Variants in CEP112 observed in about 807,000 individuals in gnomAD.
CEP112 encodes the protein centrosomal protein of 112 kDa.
Under a neutral mutation model 153.0 loss-of-function variants are expected in CEP112, and 127 were observed. That is an observed-to-expected ratio of 0.83 (90% CI 0.72 to 0.96). The LOEUF (loss-of-function observed/expected upper bound fraction) is 0.96. Among genes scored for constraint, CEP112 ranks in the 40% least tolerant of loss-of-function variants. CEP112 has a pLI of 0.00. For missense variants in CEP112, 1,089 were observed against 1,101.2 expected (o/e 0.99, Z 0.16); for synonymous variants, 358 against 374.4 (o/e 0.96, Z 0.51).
Position 66,030,041 on chromosome 17 carries a change from G to A in CEP112, c.1219-18C>T. The A allele has an allele frequency of 3.7e-6, 6 of 1,605,544 alleles. No individual in the cohort carries two copies. The highest frequency in any genetic ancestry group is 1.1e-5 in the South Asian group (1 of 89,394). On this transcript the variant is annotated intron_variant, in intron 12 of 26. Transcript: ENST00000535342. Reference sequence around the variant, plus strand: ...ATGTGGTTCTAAAAGAACAGGTCATGGTTAAGAAAGTCTCTGACTCAGTTG... The same window carrying A: ...ATGTGGTTCTAAAAGAACAGGTCATAGTTAAGAAAGTCTCTGACTCAGTTG...
At chr17:66,070,159 A>G (rs1433852029) in intron 8 of CEP112, among the ~76,000 whole-genome samples, 158 bp from the exon 9 acceptor site, 1 of 152,166 alleles carries the variant, frequency 6.6e-6, no homozygotes, top group Non-Finnish European at 1.5e-5. Flanking sequence ...ATATACCAAT[A>G]TGTTTATTTC....
At chr17:66,060,087 A>G (rs1259234387) in intron 11 of CEP112, among the ~76,000 whole-genome samples, 1 of 152,160 alleles carries the variant, frequency 6.6e-6, no homozygotes, top group African/African-American at 2.4e-5. Flanking sequence ...GGAGCTAAAC[A>G]TTGGTATATA....
chr17:65,959,117 G>A (rs189563064), intron 18 of CEP112, among the ~76,000 whole-genome samples: 2 of 152,234 alleles, frequency 1.3e-5, no homozygotes, highest in Admixed American at 1.3e-4. Flanking sequence ...GCAGATAGGA[G>A]CAACCCACTC....
intron 8 of CEP112, among the ~76,000 whole-genome samples, chr17:66,075,080 T>C (rs1034655862): frequency 6.6e-6 from 1 of 151,934 alleles, no homozygotes; most frequent in African/African-American, 2.4e-5. Context: ...TTCTTAAAGA[T>C]GAAAACTTAG....
chr17:65,691,633 CTGT>C lies in CEP112; in HGVS notation c.2608-2418_2608-2416del, dbSNP rs1365140281. Among the ~76,000 whole-genome samples, 3 of 152,280 alleles carry C rather than the reference CTGT, an allele frequency of 2.0e-5. No homozygotes were observed. In the East Asian group the frequency reaches 5.8e-4, roughly 29 times the overall value. ...CTCCATTCTTGAATTGTCTATAATTCTGTTGTTGTGTTCTACTTCCAAAAGGAT... is the reference window on the plus strand; with the variant it reads ...CTCCATTCTTGAATTGTCTATAATTCTGTTGTGTTCTACTTCCAAAAGGAT... On this transcript the variant is annotated intron_variant, in intron 23 of 26. Transcript: ENST00000535342.
intron 23 of CEP112, among the ~76,000 whole-genome samples, chr17:65,706,195 G>A (rs1312413911): frequency 6.6e-6 from 1 of 152,176 alleles, no homozygotes; most frequent in Non-Finnish European, 1.5e-5. Flanking sequence ...AAAGAGACTG[G>A]GAACGTCTTC....
At chr17:65,772,703 G>C (rs1286924853) in intron 21 of CEP112, among the ~76,000 whole-genome samples, 4 of 152,002 alleles carry the variant, frequency 2.6e-5, no homozygotes, top group African/African-American at 9.7e-5. Flanking sequence ...CTCCGGGTTA[G>C]GCACTGTATG....
chr17:65,970,729 C>A (rs1238302079), intron 17 of CEP112, among the ~76,000 whole-genome samples: 1 of 71,986 alleles, frequency 1.4e-5, no homozygotes. Flanking sequence ...GCCTTTATCA[C>A]ATGCATGTGT....
At chr17:65,929,954 C>T (rs542302496) in intron 18 of CEP112, among the ~76,000 whole-genome samples, 10 of 152,300 alleles carry the variant, frequency 6.6e-5, no homozygotes, top group Non-Finnish European at 1.5e-4. Context: ...AAAAAGCTCT[C>T]CATGTCAACA....
chr17:65,653,030 CT>C (rs1390719520), intron 24 of CEP112, among the ~76,000 whole-genome samples: 2 of 152,172 alleles, frequency 1.3e-5, no homozygotes, highest in African/African-American at 4.8e-5. Flanking sequence ...CTCTCTTCCT[CT>C]TTTTATAAAG....
chr17:65,681,191 G>A (rs1351832290), intron 24 of CEP112, among the ~76,000 whole-genome samples: 2 of 152,112 alleles, frequency 1.3e-5, no homozygotes, highest in South Asian at 2.1e-4. Context: ...ATGACAGATC[G>A]GGTCCTTACC....
intron 20 of CEP112, among the ~76,000 whole-genome samples, chr17:65,890,385 T>C (rs548324192): frequency 2.1e-4 from 32 of 152,312 alleles, no homozygotes; most frequent in Middle Eastern, 3.4e-3. Context: ...TCCATTCTAA[T>C]TTGCAGAGAA....
intron 17 of CEP112, among the ~76,000 whole-genome samples, chr17:65,981,096 G>A (rs560748398): frequency 1.3e-4 from 20 of 152,132 alleles, no homozygotes; most frequent in Non-Finnish European, 2.1e-4. Context: ...GATTACAGGC[G>A]TGAGCCACCA....
intron 17 of CEP112, among the ~76,000 whole-genome samples, chr17:65,967,434 G>A (rs1253890342): frequency 6.6e-6 from 1 of 152,166 alleles, no homozygotes; most frequent in East Asian, 1.9e-4. Flanking sequence ...GGTGCTGGCA[G>A]CAAATTCTAA....
At chr17:66,019,056 T>G (rs543149966) in intron 16 of CEP112, among the ~76,000 whole-genome samples, 1 of 152,288 alleles carries the variant, frequency 6.6e-6, no homozygotes, top group South Asian at 2.1e-4. Context: ...TGTTCAAAGA[T>G]CTTAAGAGCA....
intron 6 of CEP112, among the ~76,000 whole-genome samples, chr17:66,117,409 C>T (rs1555802154): frequency 6.6e-6 from 1 of 151,202 alleles, no homozygotes; most frequent in East Asian, 1.9e-4. Flanking sequence ...AAATAAAGCA[C>T]AAGACCAAAA....
At chr17:66,074,078 C>T (rs937951763) in intron 8 of CEP112, among the ~76,000 whole-genome samples, 2 of 151,808 alleles carry the variant, frequency 1.3e-5, no homozygotes, top group Admixed American at 6.6e-5. Context: ...AAAACATATT[C>T]AAAAATTAAA....
intron 11 of CEP112, among the ~76,000 whole-genome samples, chr17:66,058,954 T>C (rs2066815805): frequency 6.6e-6 from 1 of 151,980 alleles, no homozygotes; most frequent in African/African-American, 2.4e-5. Context: ...GGTACTAGCA[T>C]AAAAACAGAC....
intron 23 of CEP112, among the ~76,000 whole-genome samples, chr17:65,718,659 T>A (rs750163258): frequency 3.3e-5 from 5 of 152,172 alleles, no homozygotes; most frequent in Non-Finnish European, 5.9e-5. Flanking sequence ...ATCAAAGGGA[T>A]TTTTATGTCA....
Sources: gnomAD v4.1 joint callset for allele counts (sites outside exome capture counted in the v4.1 genomes callset) on GRCh38, gnomAD v4.1.1 for gene constraint, MANE v1.5 for transcripts, NCBI Gene and HGNC (gene_info 2026-07-23, HGNC 2026-07-21) for gene names.